Variants in FOXP2 observed in about 807,000 individuals in gnomAD.
FOXP2 encodes forkhead box P2, also known as forkhead box protein P2.
In FOXP2, 12 loss-of-function variants were observed where a neutral mutation model predicts 115.8. The ratio of observed to expected loss-of-function variants is 0.10; its 90% CI spans 0.07 to 0.17. The LOEUF (loss-of-function observed/expected upper bound fraction) is 0.17, where lower values mean the gene tolerates loss of function less well. FOXP2 is among the 10% of genes least tolerant of loss of function. The pLI is 1.00. For synonymous variants in FOXP2, 328 were observed against 297.7 expected, an observed-to-expected ratio of 1.10 and a Z score of -1.05; for missense variants, 629 against 843.5, an observed-to-expected ratio of 0.75 and a Z score of 3.15.
chr7:114,670,999 A>T (rs908816280), intron 16 of FOXP2, among the ~76,000 whole-genome samples: 26 of 152,032 alleles, frequency 1.7e-4, no homozygotes, highest in Admixed American at 1.6e-3. Context: ...ATGTTTTCAT[A>T]GATTTTTTAA....
At chr7:114,294,137 ATT>A (rs2129177064) in intron 2 of FOXP2, among the ~76,000 whole-genome samples, 1 of 152,282 alleles carries the variant, frequency 6.6e-6, no homozygotes, top group Non-Finnish European at 1.5e-5. Context: ...AAATGTTTAG[ATT>A]CACCTGGAAT....
At chr7:114,681,454 G>T (rs1040702429) in intron 16 of FOXP2, among the ~76,000 whole-genome samples, 1 of 151,972 alleles carries the variant, frequency 6.6e-6, no homozygotes, top group African/African-American at 2.4e-5. Context: ...AACTTCATAA[G>T]CCCCAACGTG....
At chr7:114,497,449 A>G (rs1275810915) in intron 2 of FOXP2, among the ~76,000 whole-genome samples, 1 of 152,078 alleles carries the variant, frequency 6.6e-6, no homozygotes, top group African/African-American at 2.4e-5. Flanking sequence ...GGACTTTGAG[A>G]CCATACTGGC....
Position 114,562,930 on chromosome 7 carries a change from A to G in FOXP2, c.258+28224A>G, listed in dbSNP as rs117577551. 3.9e-5 allele frequency among the ~76,000 whole-genome samples: 6 copies of G among 152,274 alleles called. No individual in the cohort carries two copies. In the East Asian group the frequency reaches 1.2e-3, roughly 29 times the overall value. On this transcript the variant is annotated intron_variant, in intron 3 of 16. Coordinates refer to ENST00000350908, the MANE Select transcript of FOXP2 (RefSeq NM_014491.4). The stretch of plus-strand genomic sequence containing the variant: ...AGACATACCTGAGACTGGGTAACTT[A>G]CAAAGCAAAAGAGATTTAATGGACT...
At chr7:114,420,239 C>A (rs1035366424) in intron 1 of FOXP2, among the ~76,000 whole-genome samples, 1 of 151,874 alleles carries the variant, frequency 6.6e-6, no homozygotes, top group Non-Finnish European at 1.5e-5. Context: ...AAGGCTATTG[C>A]AAGTAGTCCA....
chr7:114,427,184 A>G (rs1285051966), intron 2 of FOXP2, among the ~76,000 whole-genome samples: 1 of 151,716 alleles, frequency 6.6e-6, no homozygotes, highest in Non-Finnish European at 1.5e-5. Context: ...TCATGTAAAC[A>G]CTACGATCTG....
chr7:114,674,666 A>G (rs1296732303), intron 16 of FOXP2, among the ~76,000 whole-genome samples: 1 of 152,212 alleles, frequency 6.6e-6, no homozygotes, highest in Non-Finnish European at 1.5e-5. Context: ...TTCTTAGCTG[A>G]TAAAAGTTAA....
intron 3 of FOXP2, among the ~76,000 whole-genome samples, chr7:114,568,679 A>G (rs1459883668): frequency 6.6e-6 from 1 of 151,868 alleles, no homozygotes; most frequent in Non-Finnish European, 1.5e-5. Context: ...CCTCTTTTTT[A>G]ATGAAATCCT....
At chr7:114,512,824 C>T (rs1163122209) in intron 2 of FOXP2, among the ~76,000 whole-genome samples, 2 of 152,020 alleles carry the variant, frequency 1.3e-5, no homozygotes, top group East Asian at 1.9e-4. Context: ...TGACTCACAC[C>T]TGTAATCCCA....
chr7:114,161,172 T>C (rs2129150541), upstream of FOXP2, among the ~76,000 whole-genome samples: 1 of 152,300 alleles, frequency 6.6e-6, no homozygotes, highest in East Asian at 1.9e-4. Flanking sequence ...AGAAAGTGCC[T>C]GTTGATAAGT....
At chr7:114,552,130 TG>T (rs1800238925) in intron 3 of FOXP2, among the ~76,000 whole-genome samples, 1 of 152,204 alleles carries the variant, frequency 6.6e-6, no homozygotes, top group South Asian at 2.1e-4. Context: ...AGGCTAGAAA[TG>T]TATGTAGTTT....
At chr7:114,648,483 A>G (rs1343725403) in intron 8 of FOXP2, among the ~76,000 whole-genome samples, 17 of 152,174 alleles carry the variant, frequency 1.1e-4, no homozygotes, top group Non-Finnish European at 1.5e-5. Flanking sequence ...ATAAAATGCT[A>G]CAACTTTAAA....
At chr7:114,329,959 G>A (rs1797660451) in intron 2 of FOXP2, among the ~76,000 whole-genome samples, 1 of 152,160 alleles carries the variant, frequency 6.6e-6, no homozygotes, top group East Asian at 1.9e-4. Flanking sequence ...ACAGGTGTAA[G>A]CCACTGCCAC....
chr7:114,310,201 G>A (rs1797113572), intron 2 of FOXP2, among the ~76,000 whole-genome samples: 1 of 152,206 alleles, frequency 6.6e-6, no homozygotes, highest in Admixed American at 6.5e-5. Flanking sequence ...GGCATTTAGG[G>A]AAAGTCTATA....
intron 2 of FOXP2, among the ~76,000 whole-genome samples, chr7:114,354,670 T>C (rs775926813): frequency 1.3e-5 from 2 of 152,150 alleles, no homozygotes; most frequent in African/African-American, 2.4e-5. Flanking sequence ...TCCAAGTCTC[T>C]AGATAACATG....
intron 7 of FOXP2, among the ~76,000 whole-genome samples, chr7:114,643,335 T>C (rs1189037290): frequency 6.6e-6 from 1 of 151,734 alleles, no homozygotes; most frequent in Non-Finnish European, 1.5e-5. Context: ...ATCTCTCTTA[T>C]ATGTTTCAAA....
At chr7:114,570,788 TTC>T (rs746362024) in intron 3 of FOXP2, 6 of 1,605,088 alleles carry the variant, frequency 3.7e-6, no homozygotes, top group African/African-American at 1.3e-5. Flanking sequence ...CAACTCCTGA[TTC>T]TCTTTGTTTA....
chr7:114,451,067 AATC>A (rs745946561), intron 2 of FOXP2, among the ~76,000 whole-genome samples: 1 of 152,108 alleles, frequency 6.6e-6, no homozygotes, highest in Non-Finnish European at 1.5e-5. Flanking sequence ...TTTGTTTTAT[AATC>A]ATCAACTAAT....
At chr7:114,382,550 A>G (rs899503349) in intron 2 of FOXP2, among the ~76,000 whole-genome samples, 14 of 151,718 alleles carry the variant, frequency 9.2e-5, no homozygotes, top group African/African-American at 3.1e-4. Context: ...CTGTTCCAGA[A>G]CCTCCAAAGT....
Sources: gnomAD v4.1 joint callset for allele counts (sites outside exome capture counted in the v4.1 genomes callset) on GRCh38, gnomAD v4.1.1 for gene constraint, MANE v1.5 for transcripts, NCBI Gene and HGNC (gene_info 2026-07-23, HGNC 2026-07-21) for gene names.